The following FANCC variants were observed in gnomAD, a reference collection of about 807,000 sequenced individuals.
The protein encoded by FANCC is Fanconi anemia group C protein.
Under a neutral mutation model 71.3 loss-of-function variants are expected in FANCC, and 55 were observed. The observed-to-expected ratio is 0.77, with a 90% CI of 0.62 to 0.97. FANCC has a LOEUF of 0.97. Among genes scored for constraint, FANCC ranks in the 50% least tolerant of loss-of-function variants. The pLI, the probability that FANCC is intolerant of heterozygous loss-of-function variation, is 0.00. For missense variants in FANCC, 678 were observed against 670.9 expected (o/e 1.01, Z -0.12); for synonymous variants, 275 against 244.9 (o/e 1.12, Z -1.15).
rs76979967 is a variant in FANCC at position 95,232,431 on chromosome 9, T to C, written c.345+8218A>G. Among the ~76,000 whole-genome samples, 504 of 152,322 alleles carry C rather than the reference T, an allele frequency of 3.3e-3. 9 individuals carry two copies. The East Asian group carries it at 0.044, about 13-fold the overall frequency. Reference sequence around the variant, plus strand: ...TGAGGCTGGGAAGAAGGATGCCTTATTGAATGCATATATCTTCTACAATGA... The same window carrying C: ...TGAGGCTGGGAAGAAGGATGCCTTACTGAATGCATATATCTTCTACAATGA... On this transcript the variant is annotated intron_variant, in intron 4 of 14. Transcript: ENST00000289081.
chr9:95,155,542 A>C (rs942554574), intron 6 of FANCC, among the ~76,000 whole-genome samples: 1 of 150,702 alleles, frequency 6.6e-6, no homozygotes, highest in African/African-American at 2.4e-5. Context: ...CTTTTTTTGC[A>C]CTCTTCCCAT....
chr9:95,130,136 G>T (rs1207879306), intron 8 of FANCC, among the ~76,000 whole-genome samples: 1 of 152,190 alleles, frequency 6.6e-6, no homozygotes, highest in Non-Finnish European at 1.5e-5. Flanking sequence ...AGGCTCTTGT[G>T]CCCGGTCCTT....
intron 1 of FANCC, among the ~76,000 whole-genome samples, chr9:95,272,391 G>T (rs146995118): frequency 6.6e-6 from 1 of 152,150 alleles, no homozygotes; most frequent in East Asian, 1.9e-4. Context: ...GGACATCTTA[G>T]GTTGGGATGG....
intron 1 of FANCC, chr9:95,294,671 T>G (rs1834265463): frequency 6.3e-7 from 1 of 1,591,964 alleles, no homozygotes; most frequent in African/African-American, 1.3e-5. Context: ...CTGGGGAGCT[T>G]GTTCTTCACC....
chr9:95,184,764 G>A (rs1369692324), intron 4 of FANCC, among the ~76,000 whole-genome samples: 1 of 152,170 alleles, frequency 6.6e-6, no homozygotes, highest in Non-Finnish European at 1.5e-5. Flanking sequence ...AAATAAACAG[G>A]CAGCATCATT....
At chr9:95,183,685 T>C (rs1401586620) in intron 4 of FANCC, among the ~76,000 whole-genome samples, 1 of 152,210 alleles carries the variant, frequency 6.6e-6, no homozygotes, top group Non-Finnish European at 1.5e-5. Context: ...GTACTTTCAT[T>C]GGCTACGGTG....
At chr9:95,170,704 G>A (rs1017275297) in intron 6 of FANCC, among the ~76,000 whole-genome samples, 2 of 144,680 alleles carry the variant, frequency 1.4e-5, no homozygotes, top group Non-Finnish European at 3.1e-5. Flanking sequence ...GGCAGAGCCA[G>A]GGCAGGCTAG....
At chr9:95,276,256 C>T (rs1282588228) in intron 1 of FANCC, among the ~76,000 whole-genome samples, 1 of 152,048 alleles carries the variant, frequency 6.6e-6, no homozygotes, top group African/African-American at 2.4e-5. Context: ...ACATTCAAGA[C>T]ATGAAGTTTC....
chr9:95,193,221 G>C (rs540696076), intron 4 of FANCC, among the ~76,000 whole-genome samples: 79 of 152,286 alleles, frequency 5.2e-4, no homozygotes, highest in African/African-American at 1.9e-3. Context: ...GATAAGCAAG[G>C]GGGCGCTACT....
chr9:95,150,058 G>A lies in FANCC; in HGVS notation c.551C>T (p.Ser184Leu), dbSNP rs746367952. ...RMAPERVASLSRVCVPLITLT... is the reference protein window; with the variant it reads ...RMAPERVASLLRVCVPLITLT... Reference sequence around the variant, plus strand: ...GGTAATAAGTGGGACACAAACTCGTGACAGGGACGCCACTCGCTCGGGAGC... The same window carrying A: ...GGTAATAAGTGGGACACAAACTCGTAACAGGGACGCCACTCGCTCGGGAGC... The change falls in exon 7 of 15, where the codon TCA (serine) becomes TTA (leucine). Residue 184 changes from serine (S) to leucine (L), a missense_variant. Coordinates refer to ENST00000289081, the MANE Select transcript of FANCC (RefSeq NM_000136.3). 1.9e-6 allele frequency: 3 copies of A among 1,613,998 alleles called. No homozygotes were observed. The highest frequency in any genetic ancestry group is 2.5e-6 in the Non-Finnish European group (3 of 1,180,036).
chr9:95,183,816 C>A (rs1234685889), intron 4 of FANCC, among the ~76,000 whole-genome samples: 7 of 152,154 alleles, frequency 4.6e-5, no homozygotes, highest in Non-Finnish European at 1.0e-4. Flanking sequence ...AGAAATTCAA[C>A]CTCAGCTGTA....
chr9:95,140,476 A>AAAAAAC (rs1828472800), intron 7 of FANCC, among the ~76,000 whole-genome samples: 2 of 151,634 alleles, frequency 1.3e-5, no homozygotes, highest in South Asian at 2.1e-4. Flanking sequence ...ATAGCTACAA[A>AAAAAAC]AAAACAAAAC....
intron 6 of FANCC, among the ~76,000 whole-genome samples, chr9:95,167,637 C>G (rs558814462): frequency 1.3e-5 from 2 of 152,274 alleles, no homozygotes; most frequent in African/African-American, 4.8e-5. Context: ...GGTTCTTTAG[C>G]TCCAGAATAT....
At chr9:95,293,993 C>G in intron 1 of FANCC, 2 of 1,591,682 alleles carry the variant, frequency 1.3e-6, no homozygotes, top group Non-Finnish European at 1.7e-6. Flanking sequence ...CAGAATGAGC[C>G]TAAGACTTTA....
At position 95,150,032 on chromosome 9, in the gene FANCC, G is replaced by C; in HGVS notation, c.577C>G (p.Leu193Val). The C allele has an allele frequency of 6.2e-7, 1 of 1,614,104 alleles. No individual in the cohort carries two copies. The highest frequency in any genetic ancestry group is 1.1e-5 in the South Asian group (1 of 91,072). ...LSRVCVPLIT[L>V]TDVDPLVEAL... ...TCCACCAGGGGGTCAACATCTGTCA[G>C]GGTAATAAGTGGGACACAAACTCGT... is the stretch of plus-strand genomic sequence containing the variant. The change falls in exon 7 of 15, where the codon CTG (leucine) becomes GTG (valine). Residue 193 changes from leucine (L) to valine (V), a missense_variant. Coordinates refer to ENST00000289081, the MANE Select transcript of FANCC (RefSeq NM_000136.3).
chr9:95,263,392 C>T (rs796706654), intron 1 of FANCC, among the ~76,000 whole-genome samples: 3 of 152,078 alleles, frequency 2.0e-5, no homozygotes, highest in African/African-American at 7.2e-5. Context: ...TCACACAGAG[C>T]AGGTAATTTC....
At position 95,100,593 on chromosome 9, in the gene FANCC, T is replaced by C. The variant is rs767480649; in HGVS notation, c.*1114A>G. The C allele has an allele frequency of 3.5e-5, 8 of 230,696 alleles. No individual in the cohort carries two copies. The highest frequency in any genetic ancestry group is 6.9e-5 in the Non-Finnish European group (8 of 116,486). 14.3% of individuals were successfully genotyped at this position (230,696 alleles called of 1,614,324 possible). On this transcript the variant is annotated 3_prime_UTR_variant, in exon 15 of 15. Transcript: ENST00000289081. The stretch of plus-strand genomic sequence containing the variant: ...ATGTCCCTGAAAGGAAAAAGCACCC[T>C]GTACTGACATGAAATAAATGTTAAC...
intron 6 of FANCC, among the ~76,000 whole-genome samples, chr9:95,170,430 C>T (rs973353997): frequency 1.3e-5 from 2 of 151,612 alleles, no homozygotes; most frequent in Non-Finnish European, 2.9e-5. Flanking sequence ...TCCCTCAGTC[C>T]CAGATTCTCT....
chr9:95,128,680 G>A (rs1369910395), intron 8 of FANCC, among the ~76,000 whole-genome samples: 1 of 152,146 alleles, frequency 6.6e-6, no homozygotes, highest in Non-Finnish European at 1.5e-5. Flanking sequence ...TAGCAAAATC[G>A]CTCAATCCAA....
Sources: allele counts gnomAD v4.1 joint callset (sites outside exome capture counted in the v4.1 genomes callset), GRCh38; gene constraint gnomAD v4.1.1; transcripts MANE v1.5; gene names NCBI Gene and HGNC (gene_info 2026-07-23, HGNC 2026-07-21).